Variants in CTNND2 observed in about 807,000 individuals in gnomAD.
The protein encoded by CTNND2 is catenin delta-2.
Under a neutral mutation model 144.4 loss-of-function variants are expected in CTNND2, and 22 were observed. The observed-to-expected ratio is 0.15, with a 90% CI of 0.11 to 0.22. The LOEUF is 0.22. CTNND2 is among the 10% of genes least tolerant of loss of function. The pLI is 1.00. For synonymous variants in CTNND2, 751 were observed against 695.6 expected (o/e 1.08, Z -1.25); for missense variants, 1,353 against 1,618.8 (o/e 0.84, Z 2.82).
At chr5:11,648,261 A>G (rs1782466721) in intron 2 of CTNND2, among the ~76,000 whole-genome samples, 2 of 151,604 alleles carry the variant, frequency 1.3e-5, no homozygotes, top group African/African-American at 4.9e-5. Flanking sequence ...ACTGAACTCA[A>G]TGGAATTTAA....
chr5:11,649,031 G>A (rs903008547), intron 2 of CTNND2, among the ~76,000 whole-genome samples: 2 of 152,198 alleles, frequency 1.3e-5, no homozygotes, highest in African/African-American at 2.4e-5. Context: ...ATATTCTTAT[G>A]TAATTATTCC....
intron 1 of CTNND2, among the ~76,000 whole-genome samples, chr5:11,733,297 C>A (rs1299418721): frequency 6.6e-6 from 1 of 152,076 alleles, no homozygotes; most frequent in Non-Finnish European, 1.5e-5. Flanking sequence ...GGCTCTGACA[C>A]TCTCTGAGAG....
At chr5:11,155,207 T>C (rs924767827) in intron 12 of CTNND2, among the ~76,000 whole-genome samples, 1 of 152,158 alleles carries the variant, frequency 6.6e-6, no homozygotes, top group Non-Finnish European at 1.5e-5. Flanking sequence ...AGGTGATGAT[T>C]ATAGCGGCCA....
At chr5:11,071,239 A>G (rs1305045873) in intron 16 of CTNND2, among the ~76,000 whole-genome samples, 1 of 152,182 alleles carries the variant, frequency 6.6e-6, no homozygotes, top group Non-Finnish European at 1.5e-5. Context: ...AAAAATTTTT[A>G]CTAAGAAAAA....
chr5:11,199,727 G>A, intron 10 of CTNND2, 66 bp from the exon 11 acceptor site: 1 of 1,184,074 alleles, frequency 8.4e-7, no homozygotes, highest in Non-Finnish European at 1.2e-6. Flanking sequence ...ACCAAAACAT[G>A]TTTTTCATAT....
chr5:11,623,817 T>C (rs1179340461), intron 2 of CTNND2, among the ~76,000 whole-genome samples: 1 of 57,454 alleles, frequency 1.7e-5, no homozygotes, highest in African/African-American at 7.1e-5. Context: ...TGTATATATA[T>C]ATATATATAT....
chr5:11,363,686 A>G (rs1756680082), intron 8 of CTNND2, among the ~76,000 whole-genome samples: 1 of 152,230 alleles, frequency 6.6e-6, no homozygotes, highest in Non-Finnish European at 1.5e-5. Context: ...CAACTATAAA[A>G]GCAGCTTGGC....
At chr5:11,868,893 A>G (rs1234764353) in intron 1 of CTNND2, among the ~76,000 whole-genome samples, 2 of 152,168 alleles carry the variant, frequency 1.3e-5, no homozygotes, top group African/African-American at 4.8e-5. Context: ...AATGTAAGAA[A>G]TACATTCCCT....
At chr5:11,091,734 C>T (rs545273852) in intron 15 of CTNND2, among the ~76,000 whole-genome samples, 55 of 152,182 alleles carry the variant, frequency 3.6e-4, no homozygotes, top group Non-Finnish European at 6.9e-4. Flanking sequence ...CTATTCTCCC[C>T]AGTGGCCCAT....
At position 11,375,290 on chromosome 5, in the gene CTNND2, C is replaced by T. The variant is rs987848333; in HGVS notation, c.1177+9375G>A. On this transcript the variant is annotated intron_variant, in intron 7 of 21. Coordinates refer to ENST00000304623, the MANE Select transcript of CTNND2 (RefSeq NM_001332.4). ...ACTCCAGAAGAAAAAGACACCCTAA[C>T]TCTCAACATAATTTAGAGGGAGGAA... is the stretch of plus-strand genomic sequence containing the variant. Among the ~76,000 whole-genome samples, 19 of 152,336 alleles carry T rather than the reference C, an allele frequency of 1.2e-4. 1 individual carries two copies. In the South Asian group the frequency reaches 1.9e-3, roughly 15 times the overall value.
chr5:11,493,301 T>C (rs1332590206), intron 3 of CTNND2, among the ~76,000 whole-genome samples: 1 of 152,080 alleles, frequency 6.6e-6, no homozygotes, highest in East Asian at 1.9e-4. Flanking sequence ...GTATCAGGGA[T>C]AACTGAGGTA....
At chr5:11,309,842 C>T (rs976467076) in intron 9 of CTNND2, among the ~76,000 whole-genome samples, 1 of 152,066 alleles carries the variant, frequency 6.6e-6, no homozygotes, top group Non-Finnish European at 1.5e-5. Flanking sequence ...GGCAGATTTC[C>T]CCCCTGCTTC....
chr5:11,486,323 A>G (rs1768824330), intron 3 of CTNND2, among the ~76,000 whole-genome samples: 1 of 152,252 alleles, frequency 6.6e-6, no homozygotes, highest in Non-Finnish European at 1.5e-5. Flanking sequence ...GATAATATCC[A>G]GTAGACCACA....
At position 11,117,501 on chromosome 5, in the gene CTNND2, G is replaced by A. The variant is rs148123826; in HGVS notation, c.2226C>T (p.Ala742=). ...RMRECDGLTD[A]LLYVIQSALG... is the part of the protein sequence containing the mutation. ...GCGCAGACTGGATCACGTACAGCAA[G>A]GCATCCGTAAGCCCATCACACTCTC... The change falls in exon 13 of 22, where the codon GCC becomes GCT. Residue 742 remains alanine, a synonymous_variant. Transcript: ENST00000304623. 7.4e-6 allele frequency: 12 copies of A among 1,614,002 alleles called. No homozygotes were observed. The South Asian group carries it at 1.2e-4, about 16-fold the overall frequency.
At chr5:11,389,231 C>G (rs960051802) in intron 6 of CTNND2, among the ~76,000 whole-genome samples, 2 of 152,062 alleles carry the variant, frequency 1.3e-5, no homozygotes, top group Admixed American at 6.5e-5. Flanking sequence ...AACCCATTTA[C>G]GAGAAATGGA....
intron 1 of CTNND2, among the ~76,000 whole-genome samples, chr5:11,738,616 A>T (rs1787830557): frequency 6.6e-6 from 1 of 152,180 alleles, no homozygotes; most frequent in Admixed American, 6.5e-5. Flanking sequence ...TTCATATTTG[A>T]ACTTGTTCTT....
At chr5:11,695,779 T>A (rs1267344111) in intron 2 of CTNND2, among the ~76,000 whole-genome samples, 1 of 152,168 alleles carries the variant, frequency 6.6e-6, no homozygotes, top group Non-Finnish European at 1.5e-5. Context: ...AATCCCTTAA[T>A]TTGTCCCATT....
chr5:11,502,373 C>G (rs899875260), intron 3 of CTNND2, among the ~76,000 whole-genome samples: 1 of 152,116 alleles, frequency 6.6e-6, no homozygotes, highest in Non-Finnish European at 1.5e-5. Flanking sequence ...GTGTGGAAAA[C>G]AGAATCCTAT....
At chr5:11,218,021 C>CCCTTCCTCCCTCCCTTCTTCCT (rs1739382236) in intron 10 of CTNND2, among the ~76,000 whole-genome samples, 2 of 148,882 alleles carry the variant, frequency 1.3e-5, no homozygotes, top group South Asian at 2.2e-4. Flanking sequence ...CTTCTTTCCT[C>CCCTTCCTCCCTCCCTTCTTCCT]CCTTCCTCCC....
Sources: gnomAD v4.1 joint callset for allele counts (sites outside exome capture counted in the v4.1 genomes callset) on GRCh38, gnomAD v4.1.1 for gene constraint, MANE v1.5 for transcripts, NCBI Gene and HGNC (gene_info 2026-07-23, HGNC 2026-07-21) for gene names.